Variants in FARS2 observed in about 807,000 individuals in gnomAD.
FARS2 encodes phenylalanyl-tRNA synthetase 2, mitochondrial.
Under a neutral mutation model 46.4 loss-of-function variants are expected in FARS2, and 40 were observed. The ratio of observed to expected loss-of-function variants is 0.86; its 90% CI spans 0.67 to 1.12. FARS2 has a LOEUF of 1.12. Ranked by LOEUF, FARS2 falls within the 50% of genes most tolerant of loss-of-function variation. The pLI, the probability that FARS2 is intolerant of heterozygous loss-of-function variation, is 0.00. For missense variants in FARS2, 513 were observed against 567.9 expected (o/e 0.90, Z 0.98); for synonymous variants, 234 against 214.9 (o/e 1.09, Z -0.78).
intron 6 of FARS2, among the ~76,000 whole-genome samples, chr6:5,723,233 G>A (rs1304990588): frequency 6.6e-6 from 1 of 152,130 alleles, no homozygotes; most frequent in African/African-American, 2.4e-5. Flanking sequence ...GTGCCCCTGG[G>A]TTTGATATAA....
chr6:5,324,521 C>T (rs890185369), intron 1 of FARS2, among the ~76,000 whole-genome samples: 1 of 151,024 alleles, frequency 6.6e-6, no homozygotes, highest in African/African-American at 2.4e-5. Flanking sequence ...TGTGGATCCC[C>T]CCACCTTTCA....
intron 1 of FARS2, among the ~76,000 whole-genome samples, chr6:5,351,547 C>T (rs1757574107): frequency 2.0e-5 from 3 of 152,166 alleles, no homozygotes; most frequent in African/African-American, 7.2e-5. Flanking sequence ...ATTAACTGAT[C>T]CCCCCCACAA....
At chr6:5,644,715 C>T (rs1776992393) in intron 6 of FARS2, among the ~76,000 whole-genome samples, 1 of 152,196 alleles carries the variant, frequency 6.6e-6, no homozygotes, top group Non-Finnish European at 1.5e-5. Flanking sequence ...GTTTGACCTA[C>T]CTGTTCTAAA....
At chr6:5,689,621 A>G (rs1203248530) in intron 6 of FARS2, among the ~76,000 whole-genome samples, 1 of 152,126 alleles carries the variant, frequency 6.6e-6, no homozygotes, top group Non-Finnish European at 1.5e-5. Flanking sequence ...ACTTCCAAGT[A>G]TGTGGTCAAT....
chr6:5,379,469 C>G (rs1272740413), intron 2 of FARS2, among the ~76,000 whole-genome samples: 1 of 152,100 alleles, frequency 6.6e-6, no homozygotes, highest in Non-Finnish European at 1.5e-5. Context: ...ATGAAAGAGT[C>G]CAGAAGTATT....
At chr6:5,723,884 C>A (rs1289628439) in intron 6 of FARS2, among the ~76,000 whole-genome samples, 3 of 152,198 alleles carry the variant, frequency 2.0e-5, no homozygotes, top group African/African-American at 4.8e-5. Context: ...TTAGAAGCGG[C>A]CACAGCAGGC....
At chr6:5,326,699 C>T (rs1770414907) in intron 1 of FARS2, among the ~76,000 whole-genome samples, 1 of 152,180 alleles carries the variant, frequency 6.6e-6, no homozygotes, top group African/African-American at 2.4e-5. Flanking sequence ...TGACCTGATG[C>T]CCTCAGAGCA....
intron 6 of FARS2, among the ~76,000 whole-genome samples, chr6:5,693,095 C>T (rs1757868211): frequency 1.3e-5 from 2 of 152,158 alleles, no homozygotes; most frequent in Non-Finnish European, 1.5e-5. Flanking sequence ...TATTATTGTA[C>T]TCTTCTGGCA....
chr6:5,258,718 T>G (rs1488642371), upstream of FARS2, among the ~76,000 whole-genome samples: 1 of 152,258 alleles, frequency 6.6e-6, no homozygotes, highest in Non-Finnish European at 1.5e-5. Flanking sequence ...TTCCTTTGGA[T>G]AATATATTTA....
intron 6 of FARS2, among the ~76,000 whole-genome samples, chr6:5,768,736 A>C (rs1277908792): frequency 6.6e-6 from 1 of 152,186 alleles, no homozygotes; most frequent in Non-Finnish European, 1.5e-5. Flanking sequence ...GCTGAAGTTG[A>C]ACATTTTTTC....
At chr6:5,422,116 C>T (rs972475579) in intron 3 of FARS2, among the ~76,000 whole-genome samples, 9 of 152,170 alleles carry the variant, frequency 5.9e-5, no homozygotes, top group African/African-American at 1.9e-4. Context: ...GTGAAAGGCC[C>T]ATCTGACATG....
chr6:5,257,134 C>T (rs1764714570), upstream of FARS2, among the ~76,000 whole-genome samples: 1 of 152,132 alleles, frequency 6.6e-6, no homozygotes, highest in Admixed American at 6.5e-5. Flanking sequence ...AAATGCAAAT[C>T]TGGTCATGTC....
At chr6:5,540,621 T>C (rs1770568064) in intron 4 of FARS2, among the ~76,000 whole-genome samples, 2 of 152,236 alleles carry the variant, frequency 1.3e-5, no homozygotes, top group African/African-American at 2.4e-5. Flanking sequence ...CACAGATATA[T>C]GTCTAAAACT....
At chr6:5,433,554 G>A (rs1023034626) in intron 4 of FARS2, among the ~76,000 whole-genome samples, 1 of 152,184 alleles carries the variant, frequency 6.6e-6, no homozygotes, top group Non-Finnish European at 1.5e-5. Flanking sequence ...AAAAAGAAAA[G>A]TAAGAGTAAT....
chr6:5,278,080 A>T (rs1344825214), intron 1 of FARS2, among the ~76,000 whole-genome samples: 5 of 152,224 alleles, frequency 3.3e-5, no homozygotes, highest in Non-Finnish European at 7.3e-5. Context: ...CTGACTGTTG[A>T]CGTTTTCAGT....
chr6:5,298,862 CA>C (rs771852149), intron 1 of FARS2, among the ~76,000 whole-genome samples: 10,402 of 74,640 alleles, frequency 0.14, 566 homozygotes, highest in African/African-American at 0.31. Flanking sequence ...AACTCCATCT[CA>C]AAAAAAAAAA....
intron 1 of FARS2, among the ~76,000 whole-genome samples, chr6:5,305,023 A>G (rs1371498628): frequency 6.6e-6 from 1 of 152,186 alleles, no homozygotes; most frequent in African/African-American, 2.4e-5. Context: ...GCATGCGCTC[A>G]GAAGAGTGCC....
intron 4 of FARS2, among the ~76,000 whole-genome samples, chr6:5,473,632 A>G (rs1405330785): frequency 6.6e-6 from 1 of 151,688 alleles, no homozygotes; most frequent in East Asian, 1.9e-4. Flanking sequence ...ATTTACATAC[A>G]TTGTTTTTCT....
intron 2 of FARS2, among the ~76,000 whole-genome samples, chr6:5,380,776 T>A (rs1290308656): frequency 1.3e-5 from 2 of 152,188 alleles, no homozygotes; most frequent in East Asian, 3.8e-4. Context: ...TTCTGTGTCA[T>A]CTCCCTGACT....
Sources: allele counts gnomAD v4.1 joint callset (sites outside exome capture counted in the v4.1 genomes callset), GRCh38; gene constraint gnomAD v4.1.1; transcripts MANE v1.5; gene names NCBI Gene and HGNC (gene_info 2026-07-23, HGNC 2026-07-21).